Variants in RPRD1B observed in about 807,000 individuals in gnomAD.
RPRD1B encodes regulation of nuclear pre-mRNA domain containing 1B.
In RPRD1B, 11 loss-of-function variants were observed where a neutral mutation model predicts 41.5. The ratio of observed to expected loss-of-function variants is 0.27; its 90% CI spans 0.17 to 0.44. The LOEUF (loss-of-function observed/expected upper bound fraction) is 0.44, where lower values mean the gene tolerates loss of function less well. Among genes scored for constraint, RPRD1B ranks in the 20% least tolerant of loss-of-function variants. The pLI is 1.00. For synonymous variants in RPRD1B, 158 were observed against 155.6 expected (o/e 1.02, Z -0.12); for missense variants, 248 against 389.9 (o/e 0.64, Z 3.06).
At position 38,091,047 on chromosome 20, in the gene RPRD1B, ACTATATAATGTAGTT is replaced by A; in HGVS notation, c.*1173_*1187del. 1.0e-6 allele frequency: 1 copy of A among 983,624 alleles called. No homozygotes were observed. The highest frequency in any genetic ancestry group is 1.2e-6 in the Non-Finnish European group (1 of 827,964). The allele number at this position is 983,624 out of a possible 1,614,324, so 60.9% of individuals were successfully genotyped here. A position where few individuals can be genotyped will look rare whatever the true frequency, so the allele number is the denominator to read the frequency against. Reference sequence around the variant, plus strand: ...TATTATCATGTCAGCTGACATTATGACTATATAATGTAGTTAGAGACAATTTTTATCTTGCTTATA... The same window carrying A: ...TATTATCATGTCAGCTGACATTATGAAGAGACAATTTTTATCTTGCTTATA... On this transcript the variant is annotated 3_prime_UTR_variant, in exon 7 of 7. Coordinates refer to ENST00000373433, the MANE Select transcript of RPRD1B (RefSeq NM_021215.4).
intron 3 of RPRD1B, among the ~76,000 whole-genome samples, chr20:38,049,179 C>T (rs1441222549): frequency 6.6e-6 from 1 of 151,864 alleles, no homozygotes; most frequent in Non-Finnish European, 1.5e-5. Flanking sequence ...AAACTCCTGA[C>T]CTCAAGTGAT....
intron 3 of RPRD1B, among the ~76,000 whole-genome samples, chr20:38,056,411 A>G (rs1454796590): frequency 1.3e-5 from 2 of 152,132 alleles, no homozygotes; most frequent in Non-Finnish European, 2.9e-5. Flanking sequence ...AATAAAAATA[A>G]AACTCATGAT....
At position 38,091,990 on chromosome 20, in the gene RPRD1B, T is replaced by G; in HGVS notation, c.*2115T>G. ...TTTTGTTTTGATGAAATGCTTTCGT[T>G]TTTTAAATCTTAATTCTGCTGTCCA... On this transcript the variant is annotated 3_prime_UTR_variant, in exon 7 of 7. Transcript: ENST00000373433. 1.0e-6 allele frequency: 1 copy of G among 985,898 alleles called. No individual in the cohort carries two copies. Among genetic ancestry groups the G allele is most frequent in the African/African-American group, 1.7e-5 (1 of 57,372 alleles). 61.1% of individuals were successfully genotyped at this position (985,898 alleles called of 1,614,324 possible). A position where few individuals can be genotyped will look rare whatever the true frequency, so the allele number is the denominator to read the frequency against.
In RPRD1B at chr20:38,042,639, C is replaced by T. The variant is rs548052700; in HGVS notation, c.281+2075C>T. On this transcript the variant is annotated intron_variant, in intron 2 of 6. Coordinates refer to ENST00000373433, the MANE Select transcript of RPRD1B (RefSeq NM_021215.4). ...ATTACATTCAGGATACCCATGTTTC[C>T]AATCTCCTTTCTTATACCCCATTAT... is the stretch of plus-strand genomic sequence containing the variant. Among the ~76,000 whole-genome samples, 40 of 152,226 alleles carry T rather than the reference C, an allele frequency of 2.6e-4. 1 individual carries two copies. The South Asian group carries it at 8.3e-3, about 32-fold the overall frequency.
At chr20:38,082,020 CTTCA>C (rs755268849) in intron 6 of RPRD1B, among the ~76,000 whole-genome samples, 2 of 152,114 alleles carry the variant, frequency 1.3e-5, no homozygotes, top group Non-Finnish European at 1.5e-5. Context: ...AGTTTTCTTT[CTTCA>C]TTGTGTCTGC....
chr20:38,081,669 TATG>T (rs2074513886), intron 6 of RPRD1B, among the ~76,000 whole-genome samples: 1 of 152,198 alleles, frequency 6.6e-6, no homozygotes, highest in Non-Finnish European at 1.5e-5. Flanking sequence ...GCCTGTTGAG[TATG>T]ATGTTTGCTG....
At chr20:38,037,806 A>G (rs1023058349) in intron 1 of RPRD1B, among the ~76,000 whole-genome samples, 1 of 152,092 alleles carries the variant, frequency 6.6e-6, no homozygotes, top group East Asian at 1.9e-4. Context: ...ACTGAGAAGT[A>G]TATATCAGGT....
chr20:38,086,364 A>G (rs921528838), intron 6 of RPRD1B, among the ~76,000 whole-genome samples: 17 of 152,360 alleles, frequency 1.1e-4, no homozygotes, highest in Non-Finnish European at 1.8e-4. Flanking sequence ...GTCCCAGTTA[A>G]GCAGGTACAT....
chr20:38,086,958 T>C (rs2074567068), intron 6 of RPRD1B, among the ~76,000 whole-genome samples: 2 of 152,070 alleles, frequency 1.3e-5, no homozygotes, highest in African/African-American at 4.8e-5. Flanking sequence ...TTTTTTTGTT[T>C]TTTTGTTTAT....
intron 6 of RPRD1B, among the ~76,000 whole-genome samples, chr20:38,075,554 T>C (rs2074451176): frequency 6.6e-6 from 1 of 152,218 alleles, no homozygotes; most frequent in Admixed American, 6.5e-5. Context: ...ATTTTAGTCT[T>C]TATGAATGTT....
intron 5 of RPRD1B, among the ~76,000 whole-genome samples, chr20:38,064,206 C>T (rs1286145088): frequency 6.6e-6 from 1 of 152,188 alleles, no homozygotes; most frequent in Non-Finnish European, 1.5e-5. Context: ...CTCACTTCTT[C>T]CCCTTCACCA....
rs1273283139 is a variant in RPRD1B at position 38,033,924 on chromosome 20, C to T, written c.-24C>T. The T allele has an allele frequency of 6.3e-7, 1 of 1,595,890 alleles. No homozygotes were observed. Reference sequence around the variant, plus strand: ...CGCACTGGGCGGCCCAGGCCGCTCCCTGCCGGGCCTCACTGCCGCCACCAT... The same window carrying T: ...CGCACTGGGCGGCCCAGGCCGCTCCTTGCCGGGCCTCACTGCCGCCACCAT... On this transcript the variant is annotated 5_prime_UTR_variant, in exon 1 of 7. Transcript: ENST00000373433.
intron 6 of RPRD1B, among the ~76,000 whole-genome samples, chr20:38,072,793 C>A (rs2074424979): frequency 6.6e-6 from 1 of 152,158 alleles, no homozygotes; most frequent in South Asian, 2.1e-4. Context: ...GTGGTATCAC[C>A]TTTCAATAAT....
rs552824482 is a variant in RPRD1B at position 38,037,518 on chromosome 20, G to A, written c.152-2917G>A. ...GAAAGGACCTATTTCTGTCGTATAG[G>A]AAGGACATCTGAACAAGTGAGTTGT... On this transcript the variant is annotated intron_variant, in intron 1 of 6. Transcript: ENST00000373433. Among the ~76,000 whole-genome samples the A allele has an allele frequency of 2.0e-5, 3 of 152,330 alleles. No homozygotes were observed. The South Asian group carries it at 6.2e-4, about 32-fold the overall frequency.
At chr20:38,044,136 T>C (rs539543877) in intron 2 of RPRD1B, among the ~76,000 whole-genome samples, 3 of 152,156 alleles carry the variant, frequency 2.0e-5, no homozygotes, top group Admixed American at 2.0e-4. Flanking sequence ...CAGCAGAGGG[T>C]GATGTGCATG....
intron 6 of RPRD1B, among the ~76,000 whole-genome samples, chr20:38,073,692 T>C (rs192260982): frequency 1.3e-5 from 2 of 152,316 alleles, no homozygotes; most frequent in East Asian, 3.9e-4. Flanking sequence ...TAAATTCGTC[T>C]TTCCTATGAT....
chr20:38,061,648 T>C (rs1339575217), intron 5 of RPRD1B, among the ~76,000 whole-genome samples: 1 of 152,210 alleles, frequency 6.6e-6, no homozygotes, highest in East Asian at 1.9e-4. Context: ...CATTTCTCTG[T>C]TCTTTTTAGC....
intron 6 of RPRD1B, among the ~76,000 whole-genome samples, chr20:38,072,100 C>A (rs2074418478): frequency 6.6e-6 from 1 of 152,134 alleles, no homozygotes; most frequent in African/African-American, 2.4e-5. Flanking sequence ...AATCCCAGGT[C>A]ATGACAATTT....
chr20:38,070,696 GAA>G, intron 6 of RPRD1B: 2 of 978,154 alleles, frequency 2.0e-6, no homozygotes, highest in Non-Finnish European at 2.4e-6. Flanking sequence ...ATTAAGGAAA[GAA>G]AAAAGGTCAG....
Sources: allele counts gnomAD v4.1 joint callset (sites outside exome capture counted in the v4.1 genomes callset), GRCh38; gene constraint gnomAD v4.1.1; transcripts MANE v1.5; gene names NCBI Gene and HGNC (gene_info 2026-07-23, HGNC 2026-07-21).